The following SBF2 variants were observed in gnomAD, a reference collection of about 807,000 sequenced individuals.
SBF2 encodes the protein SET binding factor 2.
Under a neutral mutation model 225.2 loss-of-function variants are expected in SBF2, and 112 were observed. That is an observed-to-expected ratio of 0.50 (90% CI 0.43 to 0.58). The LOEUF is 0.58. Among genes scored for constraint, SBF2 ranks in the 20% least tolerant of loss-of-function variants. SBF2 has a pLI of 0.00. For synonymous variants in SBF2, 763 were observed against 773.3 expected (o/e 0.99, Z 0.22); for missense variants, 1,996 against 2,206.2 (o/e 0.90, Z 1.91).
intron 24 of SBF2, among the ~76,000 whole-genome samples, chr11:9,844,296 C>T (rs1266477329): frequency 6.6e-6 from 1 of 152,116 alleles, no homozygotes; most frequent in African/African-American, 2.4e-5. Context: ...CTGTCTGGAA[C>T]CTCAAATTTT....
intron 17 of SBF2, among the ~76,000 whole-genome samples, chr11:9,866,623 T>C (rs1858242194): frequency 6.6e-6 from 1 of 152,130 alleles, no homozygotes; most frequent in African/African-American, 2.4e-5. Flanking sequence ...ACTATGAAAC[T>C]ACTAGAAGAA....
chr11:9,789,009 G>T, intron 35 of SBF2, 100 bp downstream of exon 35: 1 of 985,464 alleles, frequency 1.0e-6, no homozygotes, highest in Non-Finnish European at 1.6e-6. Flanking sequence ...CTAGCTCAGA[G>T]TAAGGAGAGC....
chr11:9,807,840 A>G, intron 32 of SBF2, 160 bp downstream of exon 32: 1 of 720,126 alleles, frequency 1.4e-6, no homozygotes, highest in Non-Finnish European at 2.4e-6. Context: ...TTTCTTTTCC[A>G]TTCCTAGGAG....
intron 1 of SBF2, among the ~76,000 whole-genome samples, chr11:10,203,660 AATG>A (rs1957645951): frequency 6.6e-6 from 1 of 152,170 alleles, no homozygotes; most frequent in African/African-American, 2.4e-5. Flanking sequence ...TAGACTCCAA[AATG>A]ATGTAGGTAT....
chr11:10,081,516 T>G (rs1951361116), intron 2 of SBF2, among the ~76,000 whole-genome samples: 1 of 152,072 alleles, frequency 6.6e-6, no homozygotes, highest in Non-Finnish European at 1.5e-5. Context: ...CCCAGCACTT[T>G]GGGAGGCTGA....
rs1962522138 is a variant in SBF2, at chr11:10,272,026, A to T, written c.55+21989T>A. ...CATTCATCACTTTGTGCTTGAAGGCATTCCTCAGCAAACTTCTCTCGAGTC... is the reference window on the plus strand; with the variant it reads ...CATTCATCACTTTGTGCTTGAAGGCTTTCCTCAGCAAACTTCTCTCGAGTC... On this transcript the variant is annotated intron_variant, in intron 1 of 39. Coordinates refer to ENST00000256190, the MANE Select transcript of SBF2 (RefSeq NM_030962.4). 8.5e-6 allele frequency: 9 copies of T among 1,060,046 alleles called. 3 individuals are homozygous for T. The highest frequency in any genetic ancestry group is 1.2e-5 in the Non-Finnish European group (9 of 745,690). 65.7% of individuals were successfully genotyped at this position (1,060,046 alleles called of 1,614,324 possible). A position where few individuals can be genotyped will look rare whatever the true frequency, so the allele number is the denominator to read the frequency against.
At chr11:10,097,650 T>C (rs1235818053) in intron 2 of SBF2, among the ~76,000 whole-genome samples, 3 of 152,132 alleles carry the variant, frequency 2.0e-5, no homozygotes, top group African/African-American at 7.2e-5. Context: ...TGACAGTAGC[T>C]TTGTGGGAGC....
chr11:10,301,674 A>G (rs1964599845), intron 1 of SBF2, among the ~76,000 whole-genome samples: 1 of 152,204 alleles, frequency 6.6e-6, no homozygotes, highest in African/African-American at 2.4e-5. Flanking sequence ...CTTCTCTGAA[A>G]GACCTGAGTA....
At position 10,185,021 on chromosome 11, in the gene SBF2, A is replaced by T. The variant is rs539014161; in HGVS notation, c.141+8881T>A. Among the ~76,000 whole-genome samples, 6 of 152,254 alleles carry T rather than the reference A, an allele frequency of 3.9e-5. No homozygotes were observed. In the East Asian group the frequency reaches 1.2e-3, roughly 29 times the overall value. On this transcript the variant is annotated intron_variant, in intron 2 of 39. Coordinates refer to ENST00000256190, the MANE Select transcript of SBF2 (RefSeq NM_030962.4). The stretch of plus-strand genomic sequence containing the variant: ...ATAGTGTCCCCAAGGTTCATCCTTC[A>T]GGTTGAACCTTGCATAACACAACAA...
intron 1 of SBF2, among the ~76,000 whole-genome samples, chr11:10,246,905 T>C (rs555591886): frequency 6.6e-6 from 1 of 152,176 alleles, no homozygotes; most frequent in South Asian, 2.1e-4. Flanking sequence ...TGAGACCTTG[T>C]CTCTACAAAA....
At chr11:9,876,463 G>A (rs1183914762) in intron 17 of SBF2, among the ~76,000 whole-genome samples, 1 of 152,136 alleles carries the variant, frequency 6.6e-6, no homozygotes, top group African/African-American at 2.4e-5. Flanking sequence ...TCATAAGGGT[G>A]AGGCCCTGAT....
chr11:10,290,712 T>C (rs1244555246), intron 1 of SBF2, among the ~76,000 whole-genome samples: 4 of 152,150 alleles, frequency 2.6e-5, no homozygotes, highest in Non-Finnish European at 5.9e-5. Flanking sequence ...CTAGAATAGA[T>C]CCTGGACTAT....
intron 17 of SBF2, among the ~76,000 whole-genome samples, chr11:9,886,324 T>A (rs1860296121): frequency 6.6e-6 from 1 of 152,182 alleles, no homozygotes; most frequent in East Asian, 1.9e-4. Flanking sequence ...TTCTTTAGCT[T>A]TTCTTCATTT....
intron 6 of SBF2, among the ~76,000 whole-genome samples, chr11:10,028,173 C>T (rs1237093332): frequency 1.3e-5 from 2 of 152,026 alleles, no homozygotes; most frequent in Non-Finnish European, 2.9e-5. Flanking sequence ...CTCGGCCTCC[C>T]AAAGTACTGT....
At chr11:10,146,334 A>G (rs1033626636) in intron 2 of SBF2, among the ~76,000 whole-genome samples, 3 of 152,198 alleles carry the variant, frequency 2.0e-5, no homozygotes, top group African/African-American at 7.2e-5. Flanking sequence ...CTACAGGGCT[A>G]CAGTAACCAA....
At chr11:9,902,222 T>C (rs1405742299) in intron 16 of SBF2, among the ~76,000 whole-genome samples, 1 of 152,178 alleles carries the variant, frequency 6.6e-6, no homozygotes, top group Non-Finnish European at 1.5e-5. Context: ...CTATTCTCTC[T>C]GAGGGCTACT....
At chr11:9,866,092 A>G (rs927134637) in intron 17 of SBF2, among the ~76,000 whole-genome samples, 4 of 152,202 alleles carry the variant, frequency 2.6e-5, no homozygotes, top group African/African-American at 9.6e-5. Context: ...ATCTATACCA[A>G]TAAGCATTTT....
chr11:10,245,019 G>A (rs927266560), intron 1 of SBF2, among the ~76,000 whole-genome samples: 3 of 150,974 alleles, frequency 2.0e-5, no homozygotes, highest in African/African-American at 7.3e-5. Context: ...AGGTAGTCCT[G>A]GCCACTCAGG....
intron 1 of SBF2, among the ~76,000 whole-genome samples, chr11:10,209,485 A>G (rs1425732301): frequency 1.3e-5 from 2 of 152,220 alleles, no homozygotes; most frequent in Admixed American, 6.5e-5. Context: ...CAAACAAGTT[A>G]TGAGGCTGGT....
Sources: allele counts gnomAD v4.1 joint callset (sites outside exome capture counted in the v4.1 genomes callset), GRCh38; gene constraint gnomAD v4.1.1; transcripts MANE v1.5; gene names NCBI Gene and HGNC (gene_info 2026-07-23, HGNC 2026-07-21).